LRTM1: variants seen among roughly 807,000 people sequenced by gnomAD.
The protein encoded by LRTM1 is leucine-rich repeat and transmembrane domain-containing protein 1.
Under a neutral mutation model 32.4 loss-of-function variants are expected in LRTM1, and 38 were observed. The observed-to-expected ratio is 1.17, with a 90% confidence interval of 0.91 to 1.54. LRTM1 has a LOEUF of 1.54. Ranked by LOEUF, LRTM1 falls within the 40% of genes most tolerant of loss-of-function variation. The pLI is 0.00. For missense variants in LRTM1, 466 were observed against 415.4 expected, an observed-to-expected ratio of 1.12 and a Z score of -1.06; for synonymous variants, 186 against 169.9, an observed-to-expected ratio of 1.09 and a Z score of -0.74.
At chr3:54,929,376 G>A (rs1278914416), upstream of LRTM1, among the ~76,000 whole-genome samples, 2 of 152,346 alleles carry the variant, frequency 1.3e-5, no homozygotes, top group Admixed American at 1.3e-4. Context: ...TCAGCAGGAG[G>A]AATGTCCTGA....
At position 54,918,651 on chromosome 3, in the gene LRTM1, C is replaced by A. The variant is rs147753980; in HGVS notation, c.846G>T (p.Leu282=). 1,440 of 1,614,180 alleles carry A rather than the reference C, an allele frequency of 8.9e-4. 4 individuals are homozygous for A. The highest frequency in any genetic ancestry group is 1.1e-3 in the Non-Finnish European group (1,295 of 1,180,030). ...ELKPKPRPAN[L]RHAIATVIIT... Reference sequence around the variant, plus strand: ...TGATGACAGTGGCAATGGCATGACGCAGGTTGGCCGGCCTTGGCTTGGGTT... The same window carrying A: ...TGATGACAGTGGCAATGGCATGACGAAGGTTGGCCGGCCTTGGCTTGGGTT... Residue 282 remains leucine, a synonymous_variant, in exon 3 of 3, where the codon CTG becomes CTT. Transcript: ENST00000273286.
At chr3:54,952,688 T>A (rs1049717418) in intron 1 of LRTM1, among the ~76,000 whole-genome samples, 1 of 152,210 alleles carries the variant, frequency 6.6e-6, no homozygotes, top group African/African-American at 2.4e-5. Flanking sequence ...TGGGTTCAAA[T>A]TCTGGTGCCC....
At chr3:54,928,466 A>T (rs941563651), upstream of LRTM1, among the ~76,000 whole-genome samples, 4 of 152,130 alleles carry the variant, frequency 2.6e-5, no homozygotes, top group Admixed American at 1.3e-4. Context: ...GAGCCCGCAG[A>T]GTGTGTAATA....
intron 1 of LRTM1, among the ~76,000 whole-genome samples, chr3:54,959,665 A>T (rs938113079): frequency 2.6e-5 from 4 of 152,142 alleles, no homozygotes; most frequent in African/African-American, 9.7e-5. Context: ...AAGGACATTG[A>T]TTTGTGCAGC....
chr3:54,943,515 A>C (rs571768514), intron 1 of LRTM1, among the ~76,000 whole-genome samples: 68 of 152,192 alleles, frequency 4.5e-4, no homozygotes, highest in Non-Finnish European at 9.0e-4. Flanking sequence ...ATATATTATT[A>C]GGACAATCTA....
At position 54,945,138 on chromosome 3, in the gene LRTM1, A is replaced by G. The variant is rs559725027; in HGVS notation, c.-221-19923T>C. Among the ~76,000 whole-genome samples the G allele has an allele frequency of 4.6e-5, 7 of 152,254 alleles. No homozygotes were observed. The South Asian group carries it at 6.2e-4, about 14-fold the overall frequency. ...AAAGGAAGGTTAGGAATTCCCATCA[A>G]TCAGCATGCAGGTACTCATTTTCCC... On this transcript the variant is annotated intron_variant, in intron 1 of 2. Transcript: ENST00000493075.
intron 1 of LRTM1, among the ~76,000 whole-genome samples, chr3:54,952,122 A>G (rs1239909225): frequency 6.6e-6 from 1 of 152,156 alleles, no homozygotes; most frequent in African/African-American, 2.4e-5. Context: ...CTGGGATTAC[A>G]CATGTTAGCC....
intron 1 of LRTM1, among the ~76,000 whole-genome samples, chr3:54,940,685 T>A (rs77527625): frequency 0.023 from 3,459 of 152,292 alleles, 131 homozygotes; most frequent in African/African-American, 0.076. Context: ...AAGCAAACAA[T>A]AAGGCTGTTG....
At position 54,925,207 on chromosome 3, in the gene LRTM1, G is replaced by A; in HGVS notation, c.16C>T (p.Leu6Phe). Residue 6 changes from leucine to phenylalanine, a missense_variant, in exon 2 of 3, where the codon CTC becomes TTC. Physicochemically the swap from Leu to Phe is conservative, Grantham distance 22. Transcript: ENST00000273286. ...AGGACAATCACACTGGAAAACAGGA[G>A]CAGTTCACCTACAACAAACAGAAAG... The part of the protein sequence containing the change: MKGEL[L>F]LFSSVIVLLQ... 1 of 1,610,854 alleles carries A rather than the reference G, an allele frequency of 6.2e-7. No individual in the cohort carries two copies. Among genetic ancestry groups the A allele is most frequent in the Non-Finnish European group, 8.5e-7 (1 of 1,177,474 alleles).
upstream of LRTM1, among the ~76,000 whole-genome samples, chr3:54,929,019 G>A (rs1575383742): frequency 6.6e-6 from 1 of 152,162 alleles, no homozygotes; most frequent in South Asian, 2.1e-4. Flanking sequence ...ATGTTCTGCT[G>A]TGTGTAACTG....
At chr3:54,946,487 A>AG (rs1206426482) in intron 1 of LRTM1, among the ~76,000 whole-genome samples, 1 of 152,122 alleles carries the variant, frequency 6.6e-6, no homozygotes, top group Non-Finnish European at 1.5e-5. Flanking sequence ...AAATGAAAGG[A>AG]GGGGGGATGT....
At chr3:54,957,630 G>A (rs747822595) in intron 1 of LRTM1, among the ~76,000 whole-genome samples, 2 of 152,154 alleles carry the variant, frequency 1.3e-5, no homozygotes, top group Non-Finnish European at 2.9e-5. Flanking sequence ...GGGAAGTGCT[G>A]TAACTGGCCA....
Position 54,925,188 on chromosome 3 carries a change from AT to A in LRTM1, c.34del (p.Ile12LeufsTer23). On this transcript the variant is annotated frameshift_variant, in exon 2 of 3. Coordinates refer to ENST00000273286, the MANE Select transcript of LRTM1 (RefSeq NM_020678.4). LOFTEE classifies it high-confidence loss of function. ...KGELLLFSSV[I>X]VLLQVVCSCP... ...GCTGCATACCACCTGGAGCAGGACA[AT>A]CACACTGGAAAACAGGAGCAGTTCA... 6.2e-7 allele frequency: 1 copy of A among 1,613,022 alleles called. No individual in the cohort carries two copies. Among genetic ancestry groups the A allele is most frequent in the Non-Finnish European group, 8.5e-7 (1 of 1,179,134 alleles).
At chr3:54,949,389 A>G (rs938255466) in intron 1 of LRTM1, among the ~76,000 whole-genome samples, 1 of 152,200 alleles carries the variant, frequency 6.6e-6, no homozygotes, top group Non-Finnish European at 1.5e-5. Flanking sequence ...GGCAAAAGTA[A>G]CAGCTGTCTA....
intron 1 of LRTM1, among the ~76,000 whole-genome samples, chr3:54,956,772 T>G (rs759462598): frequency 2.6e-5 from 4 of 152,166 alleles, no homozygotes; most frequent in Middle Eastern, 3.2e-3. Flanking sequence ...TTTAGATGCA[T>G]TAATTGGTGC....
intron 1 of LRTM1, among the ~76,000 whole-genome samples, chr3:54,952,308 T>G (rs1452017313): frequency 6.6e-6 from 1 of 152,176 alleles, no homozygotes; most frequent in Non-Finnish European, 1.5e-5. Context: ...GGCTCTGATC[T>G]CTCTGGGGCC....
chr3:54,937,464 A>G (rs948295060), intron 1 of LRTM1, among the ~76,000 whole-genome samples: 1 of 152,224 alleles, frequency 6.6e-6, no homozygotes, highest in Non-Finnish European at 1.5e-5. Flanking sequence ...CAACCTTCCA[A>G]GTATCCAGGT....
chr3:54,921,724 A>G (rs1286348263), intron 2 of LRTM1, among the ~76,000 whole-genome samples: 1 of 152,148 alleles, frequency 6.6e-6, no homozygotes, highest in African/African-American at 2.4e-5. Flanking sequence ...AAACTTGGCG[A>G]CATCACAAGC....
upstream of LRTM1, among the ~76,000 whole-genome samples, chr3:54,931,541 G>A (rs1197260917): frequency 6.6e-6 from 1 of 152,170 alleles, no homozygotes; most frequent in African/African-American, 2.4e-5. Flanking sequence ...GATGCTGAAT[G>A]CAGCTCAGGC....
Sources: allele counts gnomAD v4.1 joint callset (sites outside exome capture counted in the v4.1 genomes callset), GRCh38; gene constraint gnomAD v4.1.1; transcripts MANE v1.5; gene names NCBI Gene and HGNC (gene_info 2026-07-23, HGNC 2026-07-21).